The following RAB3B variants were observed in gnomAD, a reference collection of about 807,000 sequenced individuals.
RAB3B encodes the protein ras-related protein Rab-3B.
RAB3B carries 11 observed loss-of-function variants against 20.5 expected under a neutral mutation model. The observed-to-expected ratio is 0.54, with a 90% CI of 0.34 to 0.89. The LOEUF is 0.89. Among genes scored for constraint, RAB3B ranks in the 40% least tolerant of loss-of-function variants. RAB3B has a pLI of 0.02. For missense variants in RAB3B, 225 were observed against 280.9 expected, an observed-to-expected ratio of 0.80 and a Z score of 1.42; for synonymous variants, 99 against 106.3, an observed-to-expected ratio of 0.93 and a Z score of 0.42.
intron 2 of RAB3B, among the ~76,000 whole-genome samples, chr1:51,941,062 G>A (rs1033109323): frequency 3.3e-5 from 5 of 152,082 alleles, no homozygotes; most frequent in African/African-American, 1.2e-4. Context: ...ATTCCCATGG[G>A]TGGAATCTGC....
intron 1 of RAB3B, among the ~76,000 whole-genome samples, chr1:51,978,109 C>G (rs1197653560): frequency 6.6e-6 from 1 of 152,216 alleles, no homozygotes; most frequent in Non-Finnish European, 1.5e-5. Flanking sequence ...GCCAGCTTCC[C>G]TGTGCTCCCA....
chr1:51,981,519 T>C (rs1685087290), intron 1 of RAB3B, among the ~76,000 whole-genome samples: 2 of 152,236 alleles, frequency 1.3e-5, no homozygotes, highest in African/African-American at 4.8e-5. Context: ...ATTTATACTT[T>C]TTATTTCTAT....
intron 2 of RAB3B, among the ~76,000 whole-genome samples, chr1:51,968,992 T>C (rs1257789597): frequency 6.6e-6 from 1 of 152,164 alleles, no homozygotes; most frequent in Non-Finnish European, 1.5e-5. Context: ...TCTATGTCTT[T>C]AATTATAGTA....
intron 2 of RAB3B, among the ~76,000 whole-genome samples, chr1:51,964,818 A>G (rs1684826717): frequency 6.6e-6 from 1 of 152,190 alleles, no homozygotes; most frequent in Non-Finnish European, 1.5e-5. Context: ...AGCCACCATC[A>G]TTCCCAGCCT....
rs1009808377 is a variant in RAB3B, at chr1:51,913,361, A to C, written c.*6566T>G. ...CGGAGCCATGTTTTAAGACCCCAGGACATCTACCAGACTTAGTTTCAGAGG... is the reference window on the plus strand; with the variant it reads ...CGGAGCCATGTTTTAAGACCCCAGGCCATCTACCAGACTTAGTTTCAGAGG... On this transcript the variant is annotated 3_prime_UTR_variant, in exon 5 of 5. Coordinates refer to ENST00000371655, the MANE Select transcript of RAB3B (RefSeq NM_002867.4). 3.3e-5 allele frequency: 5 copies of C among 152,164 alleles called. No individual in the cohort carries two copies. The highest frequency in any genetic ancestry group is 1.2e-4 in the African/African-American group (5 of 41,430). 9.4% of individuals were successfully genotyped at this position (152,164 alleles called of 1,614,324 possible). A position where few individuals can be genotyped will look rare whatever the true frequency, so the allele number is the denominator to read the frequency against.
intron 2 of RAB3B, among the ~76,000 whole-genome samples, chr1:51,955,072 T>G (rs1458783061): frequency 2.0e-5 from 3 of 152,236 alleles, no homozygotes; most frequent in Non-Finnish European, 4.4e-5. Context: ...TCACTGCTGC[T>G]TCTGCCAAAG....
chr1:51,964,876 C>T (rs1363155216), intron 2 of RAB3B, among the ~76,000 whole-genome samples: 1 of 152,210 alleles, frequency 6.6e-6, no homozygotes, highest in Non-Finnish European at 1.5e-5. Context: ...GCACTTTGCT[C>T]TTCATAATTT....
chr1:51,985,849 T>TA (rs562172384), intron 1 of RAB3B, among the ~76,000 whole-genome samples: 2,065 of 122,312 alleles, frequency 0.017, 15 homozygotes, highest in Middle Eastern at 0.05. Flanking sequence ...ATCTTACAGG[T>TA]AAAAAAAAAA....
intron 4 of RAB3B, among the ~76,000 whole-genome samples, chr1:51,930,048 G>C (rs1195330622): frequency 6.6e-6 from 1 of 152,218 alleles, no homozygotes; most frequent in Non-Finnish European, 1.5e-5. Context: ...AAGTTCTGGT[G>C]ATCAATAGCA....
rs150997850 is a variant in RAB3B, at chr1:51,972,107, G to A, written c.228+4783C>T. Reference sequence around the variant, plus strand: ...GAAGAATTGCTTGAACCCGGGAGGTGGAGGTTGCAGTGAGCTGAGCTCATG... The same window carrying A: ...GAAGAATTGCTTGAACCCGGGAGGTAGAGGTTGCAGTGAGCTGAGCTCATG... On this transcript the variant is annotated intron_variant, in intron 2 of 4. Transcript: ENST00000371655. 2.0e-3 allele frequency among the ~76,000 whole-genome samples: 308 copies of A among 152,304 alleles called. 2 individuals are homozygous for A. Among genetic ancestry groups the A allele is most frequent in the African/African-American group, 7.0e-3 (292 of 41,568 alleles).
chr1:51,959,671 T>C (rs1684760402), intron 2 of RAB3B, among the ~76,000 whole-genome samples: 1 of 152,116 alleles, frequency 6.6e-6, no homozygotes, highest in Non-Finnish European at 1.5e-5. Flanking sequence ...GTGTTCTAGA[T>C]GGGATCCTGG....
In RAB3B at chr1:51,974,582, T is replaced by C. The variant is rs143095060; in HGVS notation, c.228+2308A>G. ...TGAACAAAATGAACTTTTATCCCTATATAATATTTGACATTATCATGAAGG... is the reference window on the plus strand; with the variant it reads ...TGAACAAAATGAACTTTTATCCCTACATAATATTTGACATTATCATGAAGG... On this transcript the variant is annotated intron_variant, in intron 2 of 4. Coordinates refer to ENST00000371655, the MANE Select transcript of RAB3B (RefSeq NM_002867.4). Among the ~76,000 whole-genome samples the C allele has an allele frequency of 6.2e-4, 95 of 152,350 alleles. 1 individual carries two copies. In the East Asian group the frequency reaches 0.015, roughly 24 times the overall value.
intron 2 of RAB3B, among the ~76,000 whole-genome samples, chr1:51,944,374 T>C (rs1684535238): frequency 2.0e-5 from 3 of 152,202 alleles, no homozygotes; most frequent in Non-Finnish European, 1.5e-5. Flanking sequence ...TACAAGGAGA[T>C]TAATGTCTTC....
In RAB3B at chr1:51,919,879, A is replaced by T; in HGVS notation, c.*48T>A. 1 of 1,554,008 alleles carries T rather than the reference A, an allele frequency of 6.4e-7. No individual in the cohort carries two copies. The highest frequency in any genetic ancestry group is 1.4e-5 in the African/African-American group (1 of 73,954). The stretch of plus-strand genomic sequence containing the variant: ...GACAGTGTGTAACAGGGAGAAGCAG[A>T]CTGGGTGTGGGGCCACAATGAGGGG... On this transcript the variant is annotated 3_prime_UTR_variant, in exon 5 of 5. Coordinates refer to ENST00000371655, the MANE Select transcript of RAB3B (RefSeq NM_002867.4).
At chr1:51,983,232 T>A (rs1685109967) in intron 1 of RAB3B, among the ~76,000 whole-genome samples, 1 of 151,980 alleles carries the variant, frequency 6.6e-6, no homozygotes, top group South Asian at 2.1e-4. Flanking sequence ...CAGATACCTG[T>A]AATCCCAGCT....
intron 2 of RAB3B, among the ~76,000 whole-genome samples, chr1:51,947,609 C>T (rs1684582715): frequency 6.6e-6 from 1 of 152,130 alleles, no homozygotes; most frequent in Non-Finnish European, 1.5e-5. Context: ...ACCTAGAAAG[C>T]TTAAATGAAA....
chr1:51,928,448 T>C (rs778721583), intron 4 of RAB3B, among the ~76,000 whole-genome samples: 11 of 152,150 alleles, frequency 7.2e-5, no homozygotes, highest in Non-Finnish European at 1.0e-4. Context: ...ATATCAATAG[T>C]CTTGACTGAG....
intron 4 of RAB3B, among the ~76,000 whole-genome samples, chr1:51,932,272 T>C (rs1684337190): frequency 6.6e-6 from 1 of 152,178 alleles, no homozygotes; most frequent in African/African-American, 2.4e-5. Context: ...CACTCCTCAA[T>C]ACTTACAACA....
chr1:51,944,230 C>T (rs1684533090), intron 2 of RAB3B, among the ~76,000 whole-genome samples: 1 of 152,192 alleles, frequency 6.6e-6, no homozygotes. Context: ...GATGACAACA[C>T]ATCTGTTTAC....
Sources: allele counts gnomAD v4.1 joint callset (sites outside exome capture counted in the v4.1 genomes callset), GRCh38; gene constraint gnomAD v4.1.1; transcripts MANE v1.5; gene names NCBI Gene and HGNC (gene_info 2026-07-23, HGNC 2026-07-21).